NEK1: variants seen among roughly 807,000 people sequenced by gnomAD.
The protein encoded by NEK1 is serine/threonine-protein kinase Nek1.
NEK1 carries 137 observed loss-of-function variants against 182.1 expected under a neutral mutation model. The ratio of observed to expected loss-of-function variants is 0.75; its 90% CI spans 0.65 to 0.87. The LOEUF (loss-of-function observed/expected upper bound fraction) is 0.87, where lower values mean the gene tolerates loss of function less well. NEK1 is among the 40% of genes least tolerant of loss of function. The pLI, the probability that NEK1 is intolerant of heterozygous loss-of-function variation, is 0.00. For synonymous variants in NEK1, 513 were observed against 492.2 expected (o/e 1.04, Z -0.56); for missense variants, 1,391 against 1,494.4 (o/e 0.93, Z 1.14).
intron 27 of NEK1, among the ~76,000 whole-genome samples, chr4:169,444,470 A>G (rs1195200754): frequency 1.3e-5 from 2 of 152,110 alleles, no homozygotes; most frequent in Non-Finnish European, 2.9e-5. Flanking sequence ...GCATACACTT[A>G]TATCAGATAA....
chr4:169,541,490 T>G (rs1759406090), intron 18 of NEK1, among the ~76,000 whole-genome samples: 1 of 152,022 alleles, frequency 6.6e-6, no homozygotes, highest in African/African-American at 2.4e-5. Context: ...GAAAAATAAC[T>G]ACTACCATAA....
At chr4:169,579,724 G>A (rs1766289961) in intron 11 of NEK1, among the ~76,000 whole-genome samples, 1 of 151,680 alleles carries the variant, frequency 6.6e-6, no homozygotes, top group South Asian at 2.1e-4. Flanking sequence ...GGGAGGCAGA[G>A]GTTGCAGTGA....
chr4:169,471,129 A>G (rs1011831404), intron 26 of NEK1, among the ~76,000 whole-genome samples: 2 of 152,190 alleles, frequency 1.3e-5, no homozygotes, highest in African/African-American at 4.8e-5. Context: ...CTGTCAATTC[A>G]TCAAACTCAT....
rs201200462 is a variant in NEK1 at position 169,477,334 on chromosome 4, G to A, written c.2224C>T (p.Arg742Cys). Residue 742 changes from arginine (R) to cysteine (C), a missense_variant, in exon 26 of 36, where the codon CGT (arginine) becomes TGT (cysteine). Arg to Cys is a radical substitution (Grantham distance 180). Around this residue, in one of 5 missense-constraint regions of NEK1, gnomAD observed 1,216 missense variants for 1,277.6 expected, o/e 0.95. Transcript: ENST00000507142. Reference sequence around the variant, plus strand: ...GCTTTAAGATTTTCATTTAATCTACGAAGTATTTCTCGCTTACTCTGAAAG... The same window carrying A: ...GCTTTAAGATTTTCATTTAATCTACAAAGTATTTCTCGCTTACTCTGAAAG... ...NAISSKREIL[R>C]RLNENLKAQE... The A allele has an allele frequency of 1.9e-4, 304 of 1,573,458 alleles. No homozygotes were observed. The highest frequency in any genetic ancestry group is 2.6e-4 in the Non-Finnish European group (298 of 1,157,792).
intron 5 of NEK1, among the ~76,000 whole-genome samples, chr4:169,597,189 T>C (rs1164724264): frequency 1.3e-5 from 2 of 152,246 alleles, no homozygotes; most frequent in Non-Finnish European, 2.9e-5. Context: ...TATACTAACA[T>C]ACATTACTAT....
At chr4:169,443,101 A>ATCTCTCTCTCTC (rs1554033565) in intron 27 of NEK1, among the ~76,000 whole-genome samples, 4 of 148,178 alleles carry the variant, frequency 2.7e-5, no homozygotes, top group African/African-American at 7.5e-5. Context: ...CTATCTATCT[A>ATCTCTCTCTCTC]TCTCATAATT....
intron 19 of NEK1, among the ~76,000 whole-genome samples, chr4:169,531,935 AG>A (rs1323959893): frequency 6.6e-6 from 1 of 152,256 alleles, no homozygotes; most frequent in African/African-American, 2.4e-5. Flanking sequence ...ATCCATACAA[AG>A]GAATATGACT....
At chr4:169,479,622 ACT>A (rs1747620606) in intron 23 of NEK1, 88 bp from the exon 24 acceptor site, 4 of 1,061,814 alleles carry the variant, frequency 3.8e-6, no homozygotes, top group Non-Finnish European at 5.5e-6. Context: ...CTATTTATCC[ACT>A]CTATCCACAA....
chr4:169,571,179 AAAATAAATAAATAAAT>A (rs56050357), intron 12 of NEK1, among the ~76,000 whole-genome samples: 115 of 143,368 alleles, frequency 8.0e-4, no homozygotes, highest in Admixed American at 2.9e-3. Flanking sequence ...GATCAATAAA[AAAATAAATAAATAAAT>A]AAATAAATAA....
At chr4:169,521,030 TC>T (rs1755892906) in intron 19 of NEK1, among the ~76,000 whole-genome samples, 1 of 79,148 alleles carries the variant, frequency 1.3e-5, no homozygotes. Context: ...TGTGGTGGGC[TC>T]CACCCAGTTC....
At position 169,562,189 on chromosome 4, in the gene NEK1, T is replaced by C. The variant is rs184254879; in HGVS notation, c.1028A>G (p.Gln343Arg). ...KPLQKHKQAH[Q>R]TPEKRVNTGE... Reference sequence around the variant, plus strand: ...AGTATTCACTCTCTTCTCTGGAGTTTGATGGGCCTGGACAAAAAGTAAAAC... The same window carrying C: ...AGTATTCACTCTCTTCTCTGGAGTTCGATGGGCCTGGACAAAAAGTAAAAC... Residue 343 changes from glutamine to arginine, a missense_variant, in exon 13 of 36, where the codon CAA becomes CGA. Physicochemically the swap from Gln to Arg is conservative, Grantham distance 43. Transcript: ENST00000507142. The C allele has an allele frequency of 4.5e-6, 7 of 1,545,104 alleles. No homozygotes were observed. In the East Asian group the frequency reaches 1.7e-4, roughly 37 times the overall value.
chr4:169,406,381 T>C (rs1305752919), intron 32 of NEK1, among the ~76,000 whole-genome samples: 1 of 151,772 alleles, frequency 6.6e-6, no homozygotes, highest in Non-Finnish European at 1.5e-5. Context: ...TTTAATGCTG[T>C]TTACTAATGA....
Position 169,562,172 on chromosome 4 carries a change from C to T in NEK1, c.1045G>A (p.Val349Met). The T allele has an allele frequency of 6.5e-7, 1 of 1,548,646 alleles. No homozygotes were observed. ...TTCCTCCTTTCTTCTCCAGTATTCACTCTCTTCTCTGGAGTTTGATGGGCC... is the reference window on the plus strand; with the variant it reads ...TTCCTCCTTTCTTCTCCAGTATTCATTCTCTTCTCTGGAGTTTGATGGGCC... ...KQAHQTPEKRVNTGEERRKIS... is the reference protein window; with the variant it reads ...KQAHQTPEKRMNTGEERRKIS... Residue 349 changes from valine (V) to methionine (M), a missense_variant, in exon 13 of 36, where the codon GTG (valine) becomes ATG (methionine). By Grantham distance (21) the Val-to-Met change is conservative. Around this residue, in one of 5 missense-constraint regions of NEK1, gnomAD observed 1,216 missense variants for 1,277.6 expected, o/e 0.95. Transcript: ENST00000507142.
Position 169,479,437 on chromosome 4 carries a change from A to G in NEK1, c.2105T>C (p.Ile702Thr), listed in dbSNP as rs1168279482. ...SPSKQQMRSV[I>T]SVTSALKEVG... is the part of the protein sequence containing the mutation. Reference sequence around the variant, plus strand: ...TTCTTTCAAAGCTGAAGTTACAGAAATAACAGATCTCATCTGTTGCTTTGA... The same window carrying G: ...TTCTTTCAAAGCTGAAGTTACAGAAGTAACAGATCTCATCTGTTGCTTTGA... Residue 702 changes from isoleucine (I) to threonine (T), a missense_variant, in exon 24 of 36, where the codon ATT becomes ACT. Ile to Thr is a moderately conservative substitution (Grantham distance 89). This residue lies in a region of NEK1 where 1,216 missense variants were observed against 1,277.6 expected (regional missense o/e 0.95). Transcript: ENST00000507142. 1.9e-6 allele frequency: 3 copies of G among 1,611,758 alleles called. No homozygotes were observed. The highest frequency in any genetic ancestry group is 1.7e-5 in the Admixed American group (1 of 59,892).
At chr4:169,507,183 G>GTTTTTTTTTTTTTTT (rs372604613) in intron 22 of NEK1, 51 bp from the exon 23 acceptor site, 1 of 559,112 alleles carries the variant, frequency 1.8e-6, no homozygotes, top group African/African-American at 2.8e-5. Context: ...AAGGGCAGAG[G>GTTTTTTTTTTTTTTT]TTTTTTTTTT....
rs1404362599 is a variant in NEK1 at position 169,602,524 on chromosome 4, T to C, written c.107A>G (p.Asn36Ser). Residue 36 changes from asparagine (N) to serine (S), a missense_variant, in exon 3 of 36, where the codon AAC (asparagine) becomes AGC (serine). Coordinates refer to ENST00000507142, the MANE Select transcript of NEK1 (RefSeq NM_001199397.3). Reference protein sequence around the residue: ...DGRQYVIKEINISRMSSKERE... With the variant: ...DGRQYVIKEISISRMSSKERE... ...TAAAAATATACTTACTCTTGAGATG[T>C]TAATTTCCTTGATAACATACTGTCT... is the stretch of plus-strand genomic sequence containing the variant. The C allele has an allele frequency of 8.3e-6, 13 of 1,561,532 alleles. 2 individuals are homozygous for C. The Admixed American group carries it at 1.2e-4, about 14-fold the overall frequency.
At chr4:169,499,894 G>A (rs1300020748) in intron 23 of NEK1, among the ~76,000 whole-genome samples, 2 of 152,228 alleles carry the variant, frequency 1.3e-5, no homozygotes, top group Non-Finnish European at 2.9e-5. Context: ...ATCTGCAGCT[G>A]CGTGCTGGGA....
chr4:169,428,351 G>GATGTATATATATATATATAT (rs1736771016), intron 29 of NEK1, among the ~76,000 whole-genome samples: 1 of 93,224 alleles, frequency 1.1e-5, no homozygotes. Flanking sequence ...AAATATATGG[G>GATGTATATATATATATATAT]ATATATATAT....
chr4:169,507,714 C>T lies in NEK1; in HGVS notation c.1911+1G>A. On this transcript the variant is annotated splice_donor_variant, in intron 22 of 35. Transcript: ENST00000507142. LOFTEE classifies it high-confidence loss of function. Reference sequence around the variant, plus strand: ...AAACCTGTATCATTTCTAGTCTATACCTTCAGTGATTCGATTTTTTTGCGC... The same window carrying T: ...AAACCTGTATCATTTCTAGTCTATATCTTCAGTGATTCGATTTTTTTGCGC... 6.2e-7 allele frequency: 1 copy of T among 1,609,708 alleles called. No homozygotes were observed. Among genetic ancestry groups the T allele is most frequent in the South Asian group, 1.1e-5 (1 of 90,926 alleles).
Sources: gnomAD v4.1 joint callset for allele counts (sites outside exome capture counted in the v4.1 genomes callset) on GRCh38, gnomAD v4.1.1 for gene constraint, gnomAD v4.1.1 regional missense constraint, MANE v1.5 for transcripts, NCBI Gene and HGNC (gene_info 2026-07-23, HGNC 2026-07-21) for gene names.